SLC6A6: variants seen among roughly 807,000 people sequenced by gnomAD.
SLC6A6 encodes the protein solute carrier family 6 member 6.
In SLC6A6, 16 loss-of-function variants were observed where a neutral mutation model predicts 68.8. The ratio of observed to expected loss-of-function variants is 0.23; its 90% CI spans 0.16 to 0.35. The LOEUF is 0.35. SLC6A6 is among the 10% of genes least tolerant of loss of function. The pLI, the probability that SLC6A6 is intolerant of heterozygous loss-of-function variation, is 1.00. For missense variants in SLC6A6, 474 were observed against 802.8 expected (o/e 0.59, Z 4.95); for synonymous variants, 312 against 315.4 (o/e 0.99, Z 0.12).
intron 6 of SLC6A6, among the ~76,000 whole-genome samples, chr3:14,464,217 C>T (rs74554606): frequency 8.5e-4 from 130 of 152,290 alleles, no homozygotes; most frequent in African/African-American, 3.1e-3. Flanking sequence ...CTGAGGGCCT[C>T]CCTACTGGCT....
Position 14,479,176 on chromosome 3 carries a change from T to C in SLC6A6, c.1542T>C (p.Val514=). The C allele has an allele frequency of 6.2e-7, 1 of 1,607,542 alleles. No homozygotes were observed. The highest frequency in any genetic ancestry group is 8.5e-7 in the Non-Finnish European group (1 of 1,173,920). ...ACAGCTGGGCTGTGATCACTCCAGT[T>C]CTCTGTGTTGTGAGTTCCATTTCTG... ...MKYSWAVITP[V]LCVGCFIFSL... Residue 514 remains valine (V), a synonymous_variant, in exon 13 of 15, where the codon GTT becomes GTC. Coordinates refer to ENST00000622186, the MANE Select transcript of SLC6A6 (RefSeq NM_003043.6).
In SLC6A6 at chr3:14,485,103, G is replaced by T; in HGVS notation, c.*96G>T. ...TTACAGAGCTTTATATTTGCACTAG[G>T]ATTTTTTTTTTTTTGTAATTGTCAC... On this transcript the variant is annotated 3_prime_UTR_variant, in exon 15 of 15. Transcript: ENST00000622186. 1 of 1,086,482 alleles carries T rather than the reference G, an allele frequency of 9.2e-7. No homozygotes were observed. Among genetic ancestry groups the T allele is most frequent in the South Asian group, 1.7e-5 (1 of 58,280 alleles). The allele number at this position is 1,086,482 out of a possible 1,614,324, so 67.3% of individuals were successfully genotyped here. A position where few individuals can be genotyped will look rare whatever the true frequency, so the allele number is the denominator to read the frequency against.
At chr3:14,410,275 C>A (rs9810533) in intron 1 of SLC6A6, among the ~76,000 whole-genome samples, 313 of 152,228 alleles carry the variant, frequency 2.1e-3, no homozygotes, top group African/African-American at 7.2e-3. Context: ...GTGAACCCCC[C>A]CTTGACAGGG....
intron 5 of SLC6A6, among the ~76,000 whole-genome samples, chr3:14,457,254 CCT>C (rs140583049): frequency 6.6e-6 from 1 of 152,192 alleles, no homozygotes; most frequent in Non-Finnish European, 1.5e-5. Context: ...CGTTTACCTG[CCT>C]CTCTCTGAGA....
chr3:14,433,663 G>A (rs1196705598), intron 2 of SLC6A6, among the ~76,000 whole-genome samples: 1 of 152,018 alleles, frequency 6.6e-6, no homozygotes, highest in African/African-American at 2.4e-5. Context: ...AATTAGCTGG[G>A]CGTGGTGGCA....
In SLC6A6 at chr3:14,477,450, C is replaced by T. The variant is rs527416432; in HGVS notation, c.1347+108C>T. 1 of 1,101,788 alleles carries T rather than the reference C, an allele frequency of 9.1e-7. No homozygotes were observed. Among genetic ancestry groups the T allele is most frequent in the East Asian group, 2.4e-5 (1 of 42,204 alleles). The allele number at this position is 1,101,788 out of a possible 1,614,324, so 68.3% of individuals were successfully genotyped here. A position where few individuals can be genotyped will look rare whatever the true frequency, so the allele number is the denominator to read the frequency against. On this transcript the variant is annotated intron_variant, in intron 11 of 14. Transcript: ENST00000622186. This position sits in a 1 kb window ranked among gnomAD's most constrained non-coding sequence, Gnocchi z 4.2. ...GAGGGCCAGGTAGGGGCTTCATCTC[C>T]CAGCCCCACCCAATTCAGGGGTCCT...
intron 2 of SLC6A6, among the ~76,000 whole-genome samples, chr3:14,431,569 C>G (rs6798986): frequency 0.018 from 2,779 of 152,238 alleles, 82 homozygotes; most frequent in African/African-American, 0.063. Flanking sequence ...CTTGAGAAAC[C>G]ACAGCGTGTG....
intron 9 of SLC6A6, among the ~76,000 whole-genome samples, chr3:14,471,126 T>A (rs1316299036): frequency 7.4e-6 from 1 of 134,994 alleles, no homozygotes; most frequent in African/African-American, 2.7e-5. Context: ...TTCCTGCTTC[T>A]TGACTTTTTT....
At chr3:14,473,481 G>T (rs577993487) in intron 10 of SLC6A6, among the ~76,000 whole-genome samples, 3 of 152,084 alleles carry the variant, frequency 2.0e-5, no homozygotes, top group Admixed American at 6.5e-5. Context: ...CCCTCCCCGC[G>T]GGCCGAAGTC....
Position 14,452,420 on chromosome 3 carries a change from C to T in SLC6A6, c.599+4604C>T, listed in dbSNP as rs143290757. 1.8e-4 allele frequency among the ~76,000 whole-genome samples: 27 copies of T among 152,302 alleles called. No individual in the cohort carries two copies. The East Asian group carries it at 4.2e-3, about 24-fold the overall frequency. ...GATGCAAGACGTGCAGTGCCCTGCC[C>T]GAGGTCACGTGCACAGCTAGAAGGA... On this transcript the variant is annotated intron_variant, in intron 5 of 14. Transcript: ENST00000622186.
intron 7 of SLC6A6, among the ~76,000 whole-genome samples, chr3:14,467,126 A>G (rs954182286): frequency 6.6e-6 from 1 of 152,158 alleles, no homozygotes; most frequent in Non-Finnish European, 1.5e-5. Context: ...TCTGGCACTC[A>G]GCCTTGTGAC....
chr3:14,431,493 C>T (rs1314583889), intron 2 of SLC6A6, among the ~76,000 whole-genome samples: 2 of 152,116 alleles, frequency 1.3e-5, no homozygotes, highest in Admixed American at 1.3e-4. Flanking sequence ...GTGAGGGGTA[C>T]CTGCTCATTA....
chr3:14,485,104 ATTT>A lies in SLC6A6; in HGVS notation c.*108_*110del, dbSNP rs35363110. 1.2e-4 allele frequency: 95 copies of A among 777,520 alleles called. No homozygotes were observed. The highest frequency in any genetic ancestry group is 2.7e-4 in the Middle Eastern group (1 of 3,682). 48.2% of individuals were successfully genotyped at this position (777,520 alleles called of 1,614,324 possible). A position where few individuals can be genotyped will look rare whatever the true frequency, so the allele number is the denominator to read the frequency against. On this transcript the variant is annotated 3_prime_UTR_variant, in exon 15 of 15. Coordinates refer to ENST00000622186, the MANE Select transcript of SLC6A6 (RefSeq NM_003043.6). ...TACAGAGCTTTATATTTGCACTAGG[ATTT>A]TTTTTTTTTTGTAATTGTCACAGAA... is the stretch of plus-strand genomic sequence containing the variant.
At position 14,447,662 on chromosome 3, in the gene SLC6A6, C is replaced by T. The variant is rs1157648327; in HGVS notation, c.445C>T (p.Leu149=). ...IVILAWATYY[L]FQSFQKELPW... ...CATCCTGGCCTGGGCCACATACTAC[C>T]TGTTCCAGTCCTTCCAGAAGGAGCT... Residue 149 remains leucine, a synonymous_variant, in exon 5 of 15, where the codon CTG becomes TTG. Coordinates refer to ENST00000622186, the MANE Select transcript of SLC6A6 (RefSeq NM_003043.6). 4 of 1,614,266 alleles carry T rather than the reference C, an allele frequency of 2.5e-6. No individual in the cohort carries two copies. The Admixed American group carries it at 6.7e-5, about 27-fold the overall frequency.
rs1700683049 is a variant in SLC6A6, at chr3:14,468,699, G to A, written c.1096+487G>A. ...GTGAATGAGTCCCAACTCTGTGTCA[G>A]GCACCACCGTAGGCACTGGGTGCAG... is the stretch of plus-strand genomic sequence containing the variant. On this transcript the variant is annotated intron_variant, in intron 9 of 14. Transcript: ENST00000622186. The surrounding 1 kb of genome is among the most constrained non-coding windows in gnomAD (Gnocchi z 4.5). Among the ~76,000 whole-genome samples, 1 of 152,136 alleles carries A rather than the reference G, an allele frequency of 6.6e-6. No homozygotes were observed. The highest frequency in any genetic ancestry group is 2.4e-5 in the African/African-American group (1 of 41,420).
In SLC6A6 at chr3:14,487,587, C is replaced by G. The variant is rs1021176483; in HGVS notation, c.*2580C>G. 6.6e-6 allele frequency: 1 copy of G among 152,192 alleles called. No individual in the cohort carries two copies. Among genetic ancestry groups the G allele is most frequent in the South Asian group, 2.1e-4 (1 of 4,834 alleles). The allele number at this position is 152,192 out of a possible 1,614,324, so 9.4% of individuals were successfully genotyped here. ...CAGCCAGCCAGATCTGGAAAGGAAG[C>G]GAGGGGGTTGTTTAAATCAATTTTT... On this transcript the variant is annotated 3_prime_UTR_variant, in exon 15 of 15. Coordinates refer to ENST00000622186, the MANE Select transcript of SLC6A6 (RefSeq NM_003043.6).
intron 2 of SLC6A6, among the ~76,000 whole-genome samples, chr3:14,441,050 C>A (rs1176991962): frequency 6.6e-6 from 1 of 152,134 alleles, no homozygotes; most frequent in African/African-American, 2.4e-5. Flanking sequence ...CTTGGGGAAC[C>A]CCAGTTGCTC....
At chr3:14,422,457 G>A (rs9820340) in intron 2 of SLC6A6, among the ~76,000 whole-genome samples, 7,361 of 152,198 alleles carry the variant, frequency 0.048, 544 homozygotes, top group African/African-American at 0.16. Flanking sequence ...CCACCCCTTC[G>A]ATTTAGGAGC....
chr3:14,424,356 TAA>T (rs572276461), intron 2 of SLC6A6, among the ~76,000 whole-genome samples: 66 of 140,240 alleles, frequency 4.7e-4, no homozygotes, highest in African/African-American at 1.3e-3. Context: ...CACGCAAAGT[TAA>T]AAAAAAAAAA....
Sources: gnomAD v4.1 joint callset for allele counts (sites outside exome capture counted in the v4.1 genomes callset) on GRCh38, gnomAD v4.1.1 for gene constraint, Gnocchi (gnomAD v3.1) non-coding constraint, MANE v1.5 for transcripts, NCBI Gene and HGNC (gene_info 2026-07-23, HGNC 2026-07-21) for gene names.